Variants in BRAF observed in about 807,000 individuals in gnomAD.
The protein encoded by BRAF is serine/threonine-protein kinase B-raf.
In BRAF, 16 loss-of-function variants were observed where a neutral mutation model predicts 104.6. The ratio of observed to expected loss-of-function variants is 0.15; its 90% confidence interval spans 0.10 to 0.23. The LOEUF (loss-of-function observed/expected upper bound fraction) is 0.23, where lower values mean the gene tolerates loss of function less well. Ranked by LOEUF, BRAF falls within the 10% of genes least tolerant of loss-of-function variation. The pLI is 1.00. For missense variants in BRAF, 541 were observed against 937.3 expected (o/e 0.58, Z 5.52); for synonymous variants, 310 against 341.6 (o/e 0.91, Z 1.02).
At chr7:140,805,113 ATACACATTTATT>A (rs1803529015) in intron 5 of BRAF, among the ~76,000 whole-genome samples, 1 of 152,208 alleles carries the variant, frequency 6.6e-6, no homozygotes, top group Non-Finnish European at 1.5e-5. Flanking sequence ...TCCATTTTCA[ATACACATTTATT>A]TACACATTCT....
At chr7:140,766,613 C>T (rs1166357782) in intron 14 of BRAF, among the ~76,000 whole-genome samples, 3 of 152,018 alleles carry the variant, frequency 2.0e-5, no homozygotes, top group Non-Finnish European at 2.9e-5. Context: ...GACAGGGTTT[C>T]ACTCTGTCGC....
intron 15 of BRAF, chr7:140,753,595 T>C: frequency 2.3e-6 from 1 of 443,950 alleles, no homozygotes; most frequent in Non-Finnish European, 4.1e-6. Flanking sequence ...TAACCTGCTT[T>C]TAAGATTTTT....
intron 14 of BRAF, among the ~76,000 whole-genome samples, chr7:140,758,672 C>A (rs1395530279): frequency 1.3e-5 from 2 of 152,194 alleles, no homozygotes; most frequent in Non-Finnish European, 2.9e-5. Flanking sequence ...CCAGGCTGGT[C>A]TTGAACTCCT....
In BRAF at chr7:140,723,948, T is replaced by G. The variant is rs1456239735; in HGVS notation, c.*2546A>C. On this transcript the variant is annotated 3_prime_UTR_variant, in exon 20 of 20. Coordinates refer to ENST00000644969, the MANE Select transcript of BRAF (RefSeq NM_001374258.1). ...ATAAAACCTATTTTCATGTCATTTG[T>G]AAACTAGAGAAAAAACCTATTTCAT... 1.9e-6 allele frequency: 2 copies of G among 1,041,514 alleles called. No individual in the cohort carries two copies. Among genetic ancestry groups the G allele is most frequent in the African/African-American group, 3.3e-5 (2 of 59,764 alleles). 64.5% of individuals were successfully genotyped at this position (1,041,514 alleles called of 1,614,324 possible). A position where few individuals can be genotyped will look rare whatever the true frequency, so the allele number is the denominator to read the frequency against.
In BRAF at chr7:140,838,531, C is replaced by T. The variant is rs191717472; in HGVS notation, c.241-3659G>A. Among the ~76,000 whole-genome samples, 8 of 152,250 alleles carry T rather than the reference C, an allele frequency of 5.3e-5. No individual in the cohort carries two copies. The South Asian group carries it at 6.2e-4, about 12-fold the overall frequency. On this transcript the variant is annotated intron_variant, in intron 2 of 19. Coordinates refer to ENST00000644969, the MANE Select transcript of BRAF (RefSeq NM_001374258.1). ...AGACTTAATATCATTAAAATGACAA[C>T]GCTTCCCAAGTTGATCTACAGATTC...
chr7:140,764,220 A>T (rs1395989854), intron 14 of BRAF, among the ~76,000 whole-genome samples: 1 of 151,742 alleles, frequency 6.6e-6, no homozygotes, highest in Non-Finnish European at 1.5e-5. Flanking sequence ...CAATAGATGC[A>T]GAAAAGGCCT....
chr7:140,918,402 C>T (rs1019402420), intron 1 of BRAF, among the ~76,000 whole-genome samples: 8 of 152,238 alleles, frequency 5.3e-5, no homozygotes, highest in East Asian at 3.9e-4. Context: ...ACGCTCCTGC[C>T]GCTGATCTGA....
At chr7:140,892,176 A>G (rs1048173550) in intron 1 of BRAF, among the ~76,000 whole-genome samples, 1 of 152,096 alleles carries the variant, frequency 6.6e-6, no homozygotes, top group African/African-American at 2.4e-5. Flanking sequence ...GAATTGCTTG[A>G]GCCCAGGAGG....
chr7:140,754,928 T>C (rs888138593), intron 14 of BRAF, among the ~76,000 whole-genome samples: 1 of 152,240 alleles, frequency 6.6e-6, no homozygotes, highest in Non-Finnish European at 1.5e-5. Flanking sequence ...AGTAGGTCTA[T>C]TTTAAAGTCA....
At chr7:140,814,317 G>A (rs1804593604) in intron 3 of BRAF, among the ~76,000 whole-genome samples, 1 of 152,154 alleles carries the variant, frequency 6.6e-6, no homozygotes, top group Non-Finnish European at 1.5e-5. Context: ...ATTATCTTTT[G>A]TTAATGAGCT....
chr7:140,814,801 A>ATTATATATAACATATATAAT (rs1246029772), intron 3 of BRAF, among the ~76,000 whole-genome samples: 2 of 143,086 alleles, frequency 1.4e-5, no homozygotes, highest in Non-Finnish European at 1.5e-5. Flanking sequence ...ACATATATAT[A>ATTATATATAACATATATAAT]TTATATATAA....
chr7:140,850,943 A>G (rs969117110), intron 1 of BRAF, among the ~76,000 whole-genome samples: 3 of 152,184 alleles, frequency 2.0e-5, no homozygotes, highest in African/African-American at 7.2e-5. Flanking sequence ...TTCCACCTCA[A>G]ATACTACTAA....
chr7:140,901,964 ATATT>A (rs1563026731), intron 1 of BRAF, among the ~76,000 whole-genome samples: 1 of 152,240 alleles, frequency 6.6e-6, no homozygotes, highest in Non-Finnish European at 1.5e-5. Context: ...AAGGTGCTAA[ATATT>A]TATTTTTTAT....
At chr7:140,746,899 C>G (rs2128992343) in intron 17 of BRAF, among the ~76,000 whole-genome samples, 1 of 151,868 alleles carries the variant, frequency 6.6e-6, no homozygotes, top group South Asian at 2.1e-4. Context: ...GTCTACCTAC[C>G]TGAGTCCAAG....
chr7:140,777,839 G>T, intron 13 of BRAF, 152 bp downstream of exon 12: 1 of 797,562 alleles, frequency 1.3e-6, no homozygotes, highest in East Asian at 2.7e-5. Context: ...AAAGAATGTG[G>T]TTAAAGACAA....
intron 2 of BRAF, among the ~76,000 whole-genome samples, chr7:140,837,037 C>CCA (rs2129063932): frequency 6.6e-6 from 1 of 152,306 alleles, no homozygotes; most frequent in Non-Finnish European, 1.5e-5. Flanking sequence ...TATCACTTCA[C>CCA]CACATCTATC....
At chr7:140,877,547 G>GA (rs1465987465) in intron 1 of BRAF, among the ~76,000 whole-genome samples, 3 of 151,818 alleles carry the variant, frequency 2.0e-5, no homozygotes, top group Non-Finnish European at 4.4e-5. Context: ...ATTGAAAACA[G>GA]AAAAAAATGT....
chr7:140,918,803 A>G (rs1354413071), intron 1 of BRAF, among the ~76,000 whole-genome samples: 5 of 152,242 alleles, frequency 3.3e-5, no homozygotes, highest in Non-Finnish European at 7.3e-5. Flanking sequence ...TAAAACTACA[A>G]AACAGACAAA....
At chr7:140,758,111 T>C (rs1353315311) in intron 14 of BRAF, 1 of 152,226 alleles carries the variant, frequency 6.6e-6, no homozygotes, top group Non-Finnish European at 1.5e-5. Flanking sequence ...TACTTAGACA[T>C]TTGCATGTCA....
Sources: allele counts gnomAD v4.1 joint callset (sites outside exome capture counted in the v4.1 genomes callset), GRCh38; gene constraint gnomAD v4.1.1; transcripts MANE v1.5; gene names NCBI Gene and HGNC (gene_info 2026-07-23, HGNC 2026-07-21).